The following KIAA1549 variants were observed in gnomAD, a reference collection of about 807,000 sequenced individuals.
KIAA1549 encodes the protein KIAA1549.
A neutral mutation model predicts 156.4 loss-of-function variants in KIAA1549; 70 were observed. The ratio of observed to expected loss-of-function variants is 0.45; its 90% CI spans 0.37 to 0.55. The LOEUF (loss-of-function observed/expected upper bound fraction) is 0.55, where lower values mean the gene tolerates loss of function less well. Among genes scored for constraint, KIAA1549 ranks in the 20% least tolerant of loss-of-function variants. KIAA1549 has a pLI of 0.00. For missense variants in KIAA1549, 2,428 were observed against 2,540.9 expected, an observed-to-expected ratio of 0.96 and a Z score of 0.96; for synonymous variants, 1,103 against 1,066.4, an observed-to-expected ratio of 1.03 and a Z score of -0.67.
chr7:138,861,704 AAG>A (rs1554411467), intron 15 of KIAA1549, among the ~76,000 whole-genome samples: 4 of 151,226 alleles, frequency 2.6e-5, no homozygotes, highest in African/African-American at 7.3e-5. Context: ...AAAAAAAAAA[AAG>A]AAAAAAAAAA....
intron 6 of KIAA1549, 60 bp downstream of exon 6, chr7:138,906,859 G>A: frequency 8.0e-7 from 1 of 1,253,498 alleles, no homozygotes; most frequent in Non-Finnish European, 1.1e-6. Context: ...TTAAGAAGAG[G>A]TCTTCCACCA....
chr7:138,941,239 T>C (rs1430269654), intron 1 of KIAA1549, among the ~76,000 whole-genome samples: 2 of 152,208 alleles, frequency 1.3e-5, no homozygotes, highest in Non-Finnish European at 2.9e-5. Flanking sequence ...TCTGTACCAT[T>C]CTTTAAAAAG....
intron 15 of KIAA1549, among the ~76,000 whole-genome samples, chr7:138,867,372 T>C (rs923720630): frequency 6.6e-6 from 1 of 151,654 alleles, no homozygotes; most frequent in African/African-American, 2.4e-5. Flanking sequence ...CTGGGCAACA[T>C]GCTGAGACCC....
intron 1 of KIAA1549, among the ~76,000 whole-genome samples, chr7:138,958,057 T>C (rs1440041928): frequency 6.6e-6 from 1 of 152,274 alleles, no homozygotes; most frequent in South Asian, 2.1e-4. Flanking sequence ...TTTGACAACG[T>C]CTGTGAATAC....
chr7:138,917,891 G>C lies in KIAA1549; in HGVS notation c.1735C>G (p.Pro579Ala). The C allele has an allele frequency of 6.2e-7, 1 of 1,602,956 alleles. No individual in the cohort carries two copies. Among genetic ancestry groups the C allele is most frequent in the South Asian group, 1.1e-5 (1 of 88,590 alleles). The change falls in exon 2 of 20, where the codon CCG (proline) becomes GCG (alanine). Residue 579 changes from proline (P) to alanine (A), a missense_variant. By Grantham distance (27) the Pro-to-Ala change is conservative. Transcript: ENST00000422774. ...CTCGGGTCTCTGACGGCAAGCGACG[G>C]TGTGTTTTTGTTTGCTATGACAGAG... ...SFSVIANKNT[P>A]SLAVRDPSVF...
intron 17 of KIAA1549, among the ~76,000 whole-genome samples, chr7:138,845,243 C>A (rs1444151171): frequency 1.3e-5 from 2 of 151,800 alleles, no homozygotes; most frequent in African/African-American, 2.4e-5. Context: ...ATTCATCAAT[C>A]CTCCCTCAAA....
chr7:138,933,249 A>T (rs1563083757), intron 1 of KIAA1549, among the ~76,000 whole-genome samples: 1 of 152,206 alleles, frequency 6.6e-6, no homozygotes, highest in South Asian at 2.1e-4. Flanking sequence ...GATGAGAGAG[A>T]AGAATCACCG....
chr7:138,879,195 T>C (rs977214062), intron 12 of KIAA1549, among the ~76,000 whole-genome samples: 19 of 152,222 alleles, frequency 1.2e-4, no homozygotes, highest in African/African-American at 4.3e-4. Context: ...AATCCTGGAA[T>C]TGGTTCCTAA....
rs760971422 is a variant in KIAA1549, at chr7:138,918,103, G to A, written c.1523C>T (p.Ser508Phe). The change falls in exon 2 of 20, where the codon TCT (serine) becomes TTT (phenylalanine). Residue 508 changes from serine (S) to phenylalanine (F), a missense_variant. By Grantham distance (155) the Ser-to-Phe change is radical (BLOSUM62 -2). Coordinates refer to ENST00000422774, the MANE Select transcript of KIAA1549 (RefSeq NM_001164665.2). This position sits in a 1 kb window ranked among gnomAD's most constrained non-coding sequence, Gnocchi z 4.2. ...AACACTACTCATATCCACCTCGGCA[G>A]AAATGCCAACACTCGTCTCTGAGAT... is the stretch of plus-strand genomic sequence containing the variant. ...MEISETSVGI[S>F]AEVDMSSVTT... The A allele has an allele frequency of 1.2e-6, 2 of 1,613,948 alleles. No homozygotes were observed. Among genetic ancestry groups the A allele is most frequent in the Non-Finnish European group, 1.7e-6 (2 of 1,179,860 alleles).
At chr7:138,930,842 A>C (rs1812847999) in intron 1 of KIAA1549, among the ~76,000 whole-genome samples, 1 of 152,166 alleles carries the variant, frequency 6.6e-6, no homozygotes, top group African/African-American at 2.4e-5. Flanking sequence ...CTTTGCATTC[A>C]CAACTTGGCA....
intron 17 of KIAA1549, among the ~76,000 whole-genome samples, chr7:138,851,015 T>A (rs941115915): frequency 3.9e-5 from 6 of 152,202 alleles, no homozygotes; most frequent in Non-Finnish European, 7.4e-5. Context: ...TATATGTCAA[T>A]TAGGTCAAAT....
intron 1 of KIAA1549, among the ~76,000 whole-genome samples, chr7:138,920,205 C>CACCT (rs1563078744): frequency 6.6e-6 from 1 of 152,000 alleles, no homozygotes; most frequent in East Asian, 1.9e-4. Flanking sequence ...CTCTCACCCC[C>CACCT]GCCTGGAATG....
At chr7:138,914,482 C>G (rs1332701329) in intron 2 of KIAA1549, among the ~76,000 whole-genome samples, 1 of 152,180 alleles carries the variant, frequency 6.6e-6, no homozygotes, top group Non-Finnish European at 1.5e-5. Flanking sequence ...TCGCAGACCC[C>G]CAGCACCCAG....
At chr7:138,914,319 A>G (rs1334315128) in intron 2 of KIAA1549, among the ~76,000 whole-genome samples, 2 of 152,242 alleles carry the variant, frequency 1.3e-5, no homozygotes, top group Non-Finnish European at 2.9e-5. Flanking sequence ...GCAAACAAAT[A>G]TCTTACAGAT....
At chr7:138,843,714 A>G (rs565043219) in intron 18 of KIAA1549, among the ~76,000 whole-genome samples, 26 of 152,216 alleles carry the variant, frequency 1.7e-4, no homozygotes, top group Non-Finnish European at 2.9e-4. Context: ...AATACCTAAA[A>G]TTAGCAGGGG....
chr7:138,959,190 CT>C (rs1350466365), intron 1 of KIAA1549, among the ~76,000 whole-genome samples: 1 of 152,220 alleles, frequency 6.6e-6, no homozygotes, highest in African/African-American at 2.4e-5. Context: ...CTCATACATC[CT>C]TTTTTAAACA....
intron 1 of KIAA1549, among the ~76,000 whole-genome samples, chr7:138,955,103 C>G (rs1813622901): frequency 6.6e-6 from 1 of 152,144 alleles, no homozygotes; most frequent in Non-Finnish European, 1.5e-5. Context: ...CCAGAGACAC[C>G]ACTAGATTTC....
intron 1 of KIAA1549, among the ~76,000 whole-genome samples, chr7:138,944,590 T>C (rs1051559376): frequency 7.1e-4 from 108 of 151,970 alleles, no homozygotes; most frequent in Non-Finnish European, 9.0e-4. Flanking sequence ...AAACCAAAAC[T>C]TCTGCTTGAA....
At chr7:138,865,491 G>A (rs560724982) in intron 15 of KIAA1549, among the ~76,000 whole-genome samples, 2 of 151,490 alleles carry the variant, frequency 1.3e-5, no homozygotes, top group East Asian at 3.9e-4. Flanking sequence ...ACAAGTTGAG[G>A]GAAAAAAAGA....
Sources: allele counts gnomAD v4.1 joint callset (sites outside exome capture counted in the v4.1 genomes callset), GRCh38; gene constraint gnomAD v4.1.1; non-coding constraint Gnocchi (gnomAD v3.1); transcripts MANE v1.5; gene names NCBI Gene and HGNC (gene_info 2026-07-23, HGNC 2026-07-21).